The following DDX18 variants were observed in gnomAD, a reference collection of about 807,000 sequenced individuals.
DDX18 encodes DEAD-box helicase 18.
Under a neutral mutation model 73.5 loss-of-function variants are expected in DDX18, and 23 were observed. The ratio of observed to expected loss-of-function variants is 0.31; its 90% CI spans 0.23 to 0.44. The LOEUF is 0.44. Ranked by LOEUF, DDX18 falls within the 20% of genes least tolerant of loss-of-function variation. DDX18 has a pLI of 1.00. For missense variants in DDX18, 753 were observed against 792.9 expected, an observed-to-expected ratio of 0.95 and a Z score of 0.60; for synonymous variants, 268 against 282.7, an observed-to-expected ratio of 0.95 and a Z score of 0.52.
Position 117,814,725 on chromosome 2 carries a change from G to A in DDX18, c.-53G>A. Reference sequence around the variant, plus strand: ...CGGAAGGGAAGTAACGTCAGCCTGAGAACTGAGTAGCTGTACTGTGTGGCG... The same window carrying A: ...CGGAAGGGAAGTAACGTCAGCCTGAAAACTGAGTAGCTGTACTGTGTGGCG... On this transcript the variant is annotated 5_prime_UTR_variant, in exon 1 of 14. Transcript: ENST00000263239. 1.3e-6 allele frequency: 2 copies of A among 1,581,720 alleles called. No homozygotes were observed. Among genetic ancestry groups the A allele is most frequent in the Non-Finnish European group, 8.7e-7 (1 of 1,152,924 alleles).
chr2:117,821,508 C>T, intron 4 of DDX18, 142 bp from the exon 5 acceptor site: 3 of 1,081,886 alleles, frequency 2.8e-6, no homozygotes, highest in East Asian at 2.6e-5. Context: ...CTTATGATTT[C>T]AGTATATAAC....
rs781259734 is a variant in DDX18, at chr2:117,814,835, T to G, written c.58T>G (p.Leu20Val). Residue 20 changes from leucine to valine, a missense_variant, in exon 1 of 14, where the codon TTG becomes GTG. Physicochemically the swap from Leu to Val is conservative, Grantham distance 32. Around this residue, in one of 3 missense-constraint regions of DDX18, gnomAD observed 345 missense variants for 352.0 expected, o/e 0.98. Transcript: ENST00000263239. ...RKKIEKRNLK[L>V]RQRNLKFQGA... ...GAAGATCGAGAAGCGGAACCTCAAA[T>G]TGCGGCAGCGGAACCTAAAGTTTCA... is the stretch of plus-strand genomic sequence containing the variant. 6.2e-6 allele frequency: 10 copies of G among 1,614,090 alleles called. No homozygotes were observed. The Admixed American group carries it at 6.7e-5, about 11-fold the overall frequency.
In DDX18 at chr2:117,817,568, T is replaced by C; in HGVS notation, c.210T>C (p.Asn70=). The change falls in exon 2 of 14, where the codon AAT becomes AAC. Residue 70 remains asparagine (N), a synonymous_variant. Coordinates refer to ENST00000263239, the MANE Select transcript of DDX18 (RefSeq NM_006773.4). Reference sequence around the variant, plus strand: ...ATGTGGGCTTATCAGAAACTCAAAATGGAGGCATGTCTCAAGAAGCAGTGG... The same window carrying C: ...ATGTGGGCTTATCAGAAACTCAAAACGGAGGCATGTCTCAAGAAGCAGTGG... ...PMNVGLSETQ[N]GGMSQEAVGN... 1 of 1,613,908 alleles carries C rather than the reference T, an allele frequency of 6.2e-7. No individual in the cohort carries two copies. Among genetic ancestry groups the C allele is most frequent in the African/African-American group, 1.3e-5 (1 of 75,006 alleles).
chr2:117,826,261 C>T lies in DDX18; in HGVS notation c.1522-8C>T, dbSNP rs1468811997. The T allele has an allele frequency of 6.2e-7, 1 of 1,611,124 alleles. No individual in the cohort carries two copies. The highest frequency in any genetic ancestry group is 8.5e-7 in the Non-Finnish European group (1 of 1,178,270). On this transcript the variant is annotated splice_polypyrimidine_tract_variant and splice_region_variant and intron_variant, in intron 10 of 13. Transcript: ENST00000263239. ...TGCGTTAACTCAGATTTTCTTTCTC[C>T]ACCAAAGGAATATATTCATCGTGTG... is the stretch of plus-strand genomic sequence containing the variant.
At chr2:117,823,976 A>G (rs1679885313) in intron 7 of DDX18, among the ~76,000 whole-genome samples, 1 of 152,194 alleles carries the variant, frequency 6.6e-6, no homozygotes, top group South Asian at 2.1e-4. Context: ...CTGCATTTCT[A>G]GAATAAACCT....
intron 7 of DDX18, among the ~76,000 whole-genome samples, chr2:117,823,343 TA>T (rs1255587762): frequency 6.6e-6 from 1 of 152,166 alleles, no homozygotes; most frequent in Non-Finnish European, 1.5e-5. Context: ...CTATCATATT[TA>T]GGGGGGTTCG....
rs1294438017 is a variant in DDX18 at position 117,826,127 on chromosome 2, G to A, written c.1522-142G>A. The A allele has an allele frequency of 2.2e-5, 13 of 594,322 alleles. No individual in the cohort carries two copies. The East Asian group carries it at 3.7e-4, about 17-fold the overall frequency. The allele number at this position is 594,322 out of a possible 1,614,324, so 36.8% of individuals were successfully genotyped here. On this transcript the variant is annotated intron_variant, in intron 10 of 13. Coordinates refer to ENST00000263239, the MANE Select transcript of DDX18 (RefSeq NM_006773.4). ...AGCGATTGCTGGCCCAGCTTTGTGGGGGTGTGGTGAAGGTGTGTGTGGCCC... is the reference window on the plus strand; with the variant it reads ...AGCGATTGCTGGCCCAGCTTTGTGGAGGTGTGGTGAAGGTGTGTGTGGCCC...
rs1680009901 is a variant in DDX18 at position 117,830,770 on chromosome 2, T to C, written c.*46T>C. On this transcript the variant is annotated 3_prime_UTR_variant, in exon 14 of 14. Coordinates refer to ENST00000263239, the MANE Select transcript of DDX18 (RefSeq NM_006773.4). Reference sequence around the variant, plus strand: ...TTGAATAACTTTGTCCTAAAATGAATTTTTTTTCCCCTTGATTTAACAGGA... The same window carrying C: ...TTGAATAACTTTGTCCTAAAATGAACTTTTTTTCCCCTTGATTTAACAGGA... The C allele has an allele frequency of 1.9e-6, 3 of 1,587,788 alleles. No homozygotes were observed. Among genetic ancestry groups the C allele is most frequent in the Admixed American group, 3.7e-5 (2 of 53,436 alleles).
intron 9 of DDX18, 110 bp from the exon 10 acceptor site, chr2:117,825,337 A>G (rs1258107975): frequency 9.8e-6 from 13 of 1,330,934 alleles, no homozygotes; most frequent in East Asian, 4.8e-5. Context: ...GAAATAGGAC[A>G]TAGGCCAAGG....
chr2:117,818,124 G>T (rs1406795700), intron 2 of DDX18, among the ~76,000 whole-genome samples: 1 of 152,132 alleles, frequency 6.6e-6, no homozygotes, highest in Non-Finnish European at 1.5e-5. Context: ...CTGAATAAAT[G>T]GAACATTAAT....
chr2:117,826,034 CTTTTTT>C lies in DDX18; in HGVS notation c.1522-212_1522-207del, dbSNP rs59119058. On this transcript the variant is annotated intron_variant, in intron 10 of 13. Coordinates refer to ENST00000263239, the MANE Select transcript of DDX18 (RefSeq NM_006773.4). ...TGTTAATGCAAACATCATGTCCAGC[CTTTTTT>C]TTTTTTTTTTTTTTTTTTTTTTGGG... 3.2e-3 allele frequency: 307 copies of C among 97,228 alleles called. 2 individuals are homozygous for C. Among genetic ancestry groups the C allele is most frequent in the African/African-American group, 0.024 (284 of 12,026 alleles). 6.0% of individuals were successfully genotyped at this position (97,228 alleles called of 1,614,324 possible).
intron 8 of DDX18, 65 bp from the exon 9 acceptor site, chr2:117,824,875 A>G: frequency 6.5e-7 from 1 of 1,531,032 alleles, no homozygotes; most frequent in Non-Finnish European, 8.8e-7. Flanking sequence ...ATGAAATTAC[A>G]CAAGTTAGGA....
intron 4 of DDX18, 76 bp from the exon 5 acceptor site, chr2:117,821,574 G>T: frequency 1.3e-6 from 2 of 1,496,534 alleles, no homozygotes; most frequent in East Asian, 4.6e-5. Context: ...TAGCCGTAGT[G>T]CCTAAGGTGT....
Position 117,814,728 on chromosome 2 carries a change from C to G in DDX18, c.-50C>G, listed in dbSNP as rs1312826688. 2.5e-6 allele frequency: 4 copies of G among 1,585,000 alleles called. No homozygotes were observed. The highest frequency in any genetic ancestry group is 2.6e-6 in the Non-Finnish European group (3 of 1,155,832). On this transcript the variant is annotated 5_prime_UTR_variant, in exon 1 of 14. Transcript: ENST00000263239. ...AAGGGAAGTAACGTCAGCCTGAGAA[C>G]TGAGTAGCTGTACTGTGTGGCGCCT... is the stretch of plus-strand genomic sequence containing the variant.
rs569132250 is a variant in DDX18, at chr2:117,818,672, TTTTGTTTGTTTG to T, written c.370+960_371-950del. ...GCTGGGCGTTTTAACCTTATGGGTTTTTTGTTTGTTTGTTTGTTTGTTTGTTTTATTATGAGA... is the reference window on the plus strand; with the variant it reads ...GCTGGGCGTTTTAACCTTATGGGTTTTTTGTTTGTTTGTTTTATTATGAGA... On this transcript the variant is annotated intron_variant, in intron 2 of 13. Transcript: ENST00000263239. 5.9e-5 allele frequency among the ~76,000 whole-genome samples: 9 copies of T among 152,068 alleles called. No individual in the cohort carries two copies. The South Asian group carries it at 1.9e-3, about 32-fold the overall frequency.
chr2:117,826,442 T>G (rs1283124843), intron 11 of DDX18, 60 bp downstream of exon 11: 1 of 1,489,224 alleles, frequency 6.7e-7, no homozygotes, highest in Admixed American at 1.8e-5. Context: ...GCAAGCAACA[T>G]TTCTACATGT....
chr2:117,814,708 A>G lies in DDX18; in HGVS notation c.-70A>G. ...AGCTGCGCACGTGCGGCCGGAAGGG[A>G]AGTAACGTCAGCCTGAGAACTGAGT... On this transcript the variant is annotated 5_prime_UTR_variant, in exon 1 of 14. Coordinates refer to ENST00000263239, the MANE Select transcript of DDX18 (RefSeq NM_006773.4). 6.7e-7 allele frequency: 1 copy of G among 1,501,326 alleles called. No individual in the cohort carries two copies. Among genetic ancestry groups the G allele is most frequent in the Non-Finnish European group, 9.2e-7 (1 of 1,089,368 alleles). 93.0% of individuals were successfully genotyped at this position (1,501,326 alleles called of 1,614,324 possible).
chr2:117,817,838 C>A, intron 2 of DDX18, 110 bp downstream of exon 2: 1 of 1,172,446 alleles, frequency 8.5e-7, no homozygotes. Flanking sequence ...CCTGTACTCA[C>A]CAGTATGTTA....
chr2:117,828,692 G>C (rs2104627233), intron 11 of DDX18: 1 of 422,370 alleles, frequency 2.4e-6, no homozygotes, highest in African/African-American at 2.0e-5. Flanking sequence ...GGATTATAGA[G>C]ATTCTTACAG....
Sources: allele counts gnomAD v4.1 joint callset (sites outside exome capture counted in the v4.1 genomes callset), GRCh38; gene constraint gnomAD v4.1.1; regional missense constraint gnomAD v4.1.1; transcripts MANE v1.5; gene names NCBI Gene and HGNC (gene_info 2026-07-23, HGNC 2026-07-21).